The following CXorf66 variants were observed in gnomAD, a reference collection of about 807,000 sequenced individuals.
The protein encoded by CXorf66 is uncharacterized protein CXorf66.
A neutral mutation model predicts 5.0 loss-of-function variants in CXorf66; 6 were observed. The observed-to-expected ratio is 1.20, with a 90% CI of 0.65 to 2.36. The LOEUF is 2.36. CXorf66 is among the 30% of genes most tolerant of loss of function. CXorf66 has a pLI of 0.00. For synonymous variants in CXorf66, 98 were observed against 102.8 expected, an observed-to-expected ratio of 0.95 and a Z score of 0.28; for missense variants, 270 against 254.9, an observed-to-expected ratio of 1.06 and a Z score of -0.40.
chrX:139,955,994 T>G lies in CXorf66; in HGVS notation c.988A>C (p.Met330Leu). 8.3e-7 allele frequency: 1 copy of G among 1,210,563 alleles called. No individual in the cohort carries two copies. Among genetic ancestry groups the G allele is most frequent in the Non-Finnish European group, 1.1e-6 (1 of 894,460 alleles). Residue 330 changes from methionine (M) to leucine (L), a missense_variant, in exon 3 of 3, where the codon ATG becomes CTG. Physicochemically the swap from Met to Leu is conservative, Grantham distance 15. Coordinates refer to ENST00000370540, the MANE Select transcript of CXorf66 (RefSeq NM_001013403.3). ...CTGTCAACCTCACTATAATATTTCA[T>G]CGTATCACTGTCATTCACATGATCA... ...YGDHVNDSDT[M>L]KYYSEVDSDK...
chrX:139,956,560 G>A lies in CXorf66; in HGVS notation c.422C>T (p.Ser141Leu). ...TGGTATGGATGGCTTTTGTAGACTT[G>A]AGGGTCTGATTAATTTTTCTGTGCT... ...QSSTEKLIRPSSLQKPSIPNS... is the reference protein window; with the variant it reads ...QSSTEKLIRPLSLQKPSIPNS... The change falls in exon 3 of 3, where the codon TCA becomes TTA. Residue 141 changes from serine (S) to leucine (L), a missense_variant. Ser to Leu is a moderately radical substitution (Grantham distance 145). Transcript: ENST00000370540. 8.3e-7 allele frequency: 1 copy of A among 1,211,000 alleles called. No individual in the cohort carries two copies. Among genetic ancestry groups the A allele is most frequent in the Non-Finnish European group, 1.1e-6 (1 of 895,091 alleles).
Position 139,956,697 on chromosome X carries a change from T to C in CXorf66, c.285A>G (p.Ser95=). Residue 95 remains serine (S), a synonymous_variant, in exon 3 of 3, where the codon TCA becomes TCG. Transcript: ENST00000370540. ...GAGAGGCTGTCTTGGCTTCACTGAA[T>C]GATGTTTTAGATGACTTGGCTGCTA... ...KGIAAKSSKT[S]FSEAKTASQC... The C allele has an allele frequency of 3.3e-6, 4 of 1,210,282 alleles. No individual in the cohort carries two copies. In the East Asian group the frequency reaches 1.2e-4, roughly 36 times the overall value.
Position 139,965,508 on chromosome X carries a change from G to A in CXorf66, c.-12C>T. 1 of 1,158,154 alleles carries A rather than the reference G, an allele frequency of 8.6e-7. No homozygotes were observed. The highest frequency in any genetic ancestry group is 1.2e-6 in the Non-Finnish European group (1 of 848,717). On this transcript the variant is annotated 5_prime_UTR_variant, in exon 1 of 3. Transcript: ENST00000370540. ...ATAACAAGATTCATGTCCGCAACTTGGTTCAAATGATTTGTCTACTAAGGT... is the reference window on the plus strand; with the variant it reads ...ATAACAAGATTCATGTCCGCAACTTAGTTCAAATGATTTGTCTACTAAGGT...
intron 1 of CXorf66, among the ~76,000 whole-genome samples, chrX:139,959,181 T>C (rs2148217898): frequency 8.9e-6 from 1 of 111,899 alleles, no homozygotes; most frequent in East Asian, 2.8e-4. Flanking sequence ...ACATTCTCGA[T>C]GCCAGCACAG....
chrX:139,956,907 C>T lies in CXorf66; in HGVS notation c.243-168G>A, dbSNP rs780995913. On this transcript the variant is annotated intron_variant, in intron 2 of 2. Coordinates refer to ENST00000370540, the MANE Select transcript of CXorf66 (RefSeq NM_001013403.3). ...GACGGCTGTGTGTGGTGGTTCACAC[C>T]TGTAATCCCACACTTTGGGAGGACG... 3.2e-3 allele frequency among the ~76,000 whole-genome samples: 359 copies of T among 111,866 alleles called. 1 individual carries two copies. The highest frequency in any genetic ancestry group is 0.011 in the African/African-American group (338 of 30,768).
rs750731508 is a variant in CXorf66 at position 139,962,150 on chromosome X, C to T, written c.88+3259G>A. 3.7e-3 allele frequency among the ~76,000 whole-genome samples: 405 copies of T among 110,530 alleles called. 2 individuals carry two copies. The highest frequency in any genetic ancestry group is 0.011 in the African/African-American group (326 of 30,495). On this transcript the variant is annotated intron_variant, in intron 1 of 2. Coordinates refer to ENST00000370540, the MANE Select transcript of CXorf66 (RefSeq NM_001013403.3). ...AATCCAGGAGCTGGTTTATTGAAAA[C>T]ATTAATAAAATATATAGACCACTAG...
chrX:139,957,324 G>A (rs2085577700), intron 2 of CXorf66, among the ~76,000 whole-genome samples: 1 of 110,152 alleles, frequency 9.1e-6, no homozygotes, highest in African/African-American at 3.3e-5. Context: ...ATTACACAAA[G>A]TTATTTCAAA....
At chrX:139,962,639 A>G (rs1161556711) in intron 1 of CXorf66, among the ~76,000 whole-genome samples, 1 of 112,131 alleles carries the variant, frequency 8.9e-6, no homozygotes, top group East Asian at 2.8e-4. Flanking sequence ...TTTCAGGTCA[A>G]TATCCCTGAT....
Position 139,965,409 on chromosome X carries a change from C to T in CXorf66, c.88G>A (p.Gly30Arg). 8.4e-7 allele frequency: 1 copy of T among 1,187,200 alleles called. No homozygotes were observed. Among genetic ancestry groups the T allele is most frequent in the Non-Finnish European group, 1.1e-6 (1 of 874,574 alleles). ...TNQTNGSSTT[G>R]DKPVESMQTK... ...ACAAGTTTTAAGGTTAGGCACCTACCTGTAGTAGAAGATCCATTGGTTTGG... is the reference window on the plus strand; with the variant it reads ...ACAAGTTTTAAGGTTAGGCACCTACTTGTAGTAGAAGATCCATTGGTTTGG... Residue 30 changes from glycine (G) to arginine (R), a missense_variant and splice_region_variant, in exon 1 of 3, where the codon GGA (glycine) becomes AGA (arginine). Coordinates refer to ENST00000370540, the MANE Select transcript of CXorf66 (RefSeq NM_001013403.3).
At position 139,965,356 on chromosome X, in the gene CXorf66, T is replaced by C. The variant is rs935929560; in HGVS notation, c.88+53A>G. The C allele has an allele frequency of 7.0e-6, 6 of 859,111 alleles. No homozygotes were observed. The African/African-American group carries it at 1.0e-4, about 14-fold the overall frequency. 70.8% of individuals were successfully genotyped at this position (859,111 alleles called of 1,213,427 possible). On this transcript the variant is annotated intron_variant, in intron 1 of 2. Transcript: ENST00000370540. ...AGCTGGCGTTTCTAATTAAATACTT[T>C]AATGTATACTGTAACAGATCATAAT...
intron 1 of CXorf66, among the ~76,000 whole-genome samples, chrX:139,960,293 T>C (rs986303561): frequency 5.6e-5 from 6 of 108,020 alleles, no homozygotes; most frequent in Admixed American, 5.1e-4. Flanking sequence ...CAAGTATCAA[T>C]AGACAAATCA....
chrX:139,955,925 C>G lies in CXorf66; in HGVS notation c.1057G>C (p.Val353Leu), dbSNP rs138947666. 80 of 1,197,864 alleles carry G rather than the reference C, an allele frequency of 6.7e-5. No individual in the cohort carries two copies. Among genetic ancestry groups the G allele is most frequent in the Middle Eastern group, 4.7e-4 (2 of 4,295 alleles). ...IITCDRGYNQ[V>L]TSEVTLND ...TCATTTAGGGTTACTTCAGAGGTGA[C>G]TTGATTGTACCCTCTGTCACACGTA... is the stretch of plus-strand genomic sequence containing the variant. Residue 353 changes from valine to leucine, a missense_variant, in exon 3 of 3, where the codon GTC becomes CTC. Coordinates refer to ENST00000370540, the MANE Select transcript of CXorf66 (RefSeq NM_001013403.3).
chrX:139,959,355 G>C (rs1434354055), intron 1 of CXorf66, among the ~76,000 whole-genome samples: 1 of 111,953 alleles, frequency 8.9e-6, no homozygotes, highest in Non-Finnish European at 1.9e-5. Flanking sequence ...TGGCCAGACT[G>C]CCTCTCTAGA....
chrX:139,962,978 C>T (rs985370443), intron 1 of CXorf66, among the ~76,000 whole-genome samples: 2 of 111,874 alleles, frequency 1.8e-5, no homozygotes, highest in African/African-American at 6.5e-5. Flanking sequence ...ACTGAATGGG[C>T]AAAAGCTGGA....
At chrX:139,961,408 C>A (rs868513506) in intron 1 of CXorf66, among the ~76,000 whole-genome samples, 5 of 112,009 alleles carry the variant, frequency 4.5e-5, no homozygotes, top group Admixed American at 9.5e-5. Flanking sequence ...GCACCCAATA[C>A]AGGAGCACCC....
intron 1 of CXorf66, among the ~76,000 whole-genome samples, 198 bp downstream of exon 1, chrX:139,965,211 G>A (rs1926662838): frequency 8.9e-6 from 1 of 111,781 alleles, no homozygotes; most frequent in African/African-American, 3.3e-5. Flanking sequence ...AGGACCATAA[G>A]TCTGTCATCT....
intron 2 of CXorf66, among the ~76,000 whole-genome samples, chrX:139,957,580 G>A (rs1353087272): frequency 3.6e-5 from 4 of 111,712 alleles, no homozygotes; most frequent in African/African-American, 1.3e-4. Flanking sequence ...CTGGTACCAC[G>A]TTTTAGTCAC....
chrX:139,957,685 T>G (rs924903078), intron 2 of CXorf66, among the ~76,000 whole-genome samples: 2 of 111,836 alleles, frequency 1.8e-5, no homozygotes, highest in Non-Finnish European at 3.8e-5. Flanking sequence ...TTTCATGTGA[T>G]TAAGTCTTAA....
Position 139,965,428 on chromosome X carries a change from G to A in CXorf66, c.69C>T (p.Thr23=). 1 of 1,204,877 alleles carries A rather than the reference G, an allele frequency of 8.3e-7. No homozygotes were observed. The part of the protein sequence containing the change: ...WKNNCMTTNQ[T]NGSSTTGDKP... ...ACCTACCTGTAGTAGAAGATCCATT[G>A]GTTTGGTTTGTAGTCATGCAATTAT... The change falls in exon 1 of 3, where the codon ACC becomes ACT. Residue 23 remains threonine (T), a synonymous_variant. Coordinates refer to ENST00000370540, the MANE Select transcript of CXorf66 (RefSeq NM_001013403.3).
Sources: gnomAD v4.1 joint callset for allele counts (sites outside exome capture counted in the v4.1 genomes callset) on GRCh38, gnomAD v4.1.1 for gene constraint, MANE v1.5 for transcripts, NCBI Gene and HGNC (gene_info 2026-07-23, HGNC 2026-07-21) for gene names.